The following EPB41 variants were observed in gnomAD, a reference collection of about 807,000 sequenced individuals.
EPB41 encodes protein 4.1.
Under a neutral mutation model 108.0 loss-of-function variants are expected in EPB41, and 65 were observed. The ratio of observed to expected loss-of-function variants is 0.60; its 90% CI spans 0.49 to 0.74. The LOEUF (loss-of-function observed/expected upper bound fraction) is 0.74. Ranked by LOEUF, EPB41 falls within the 30% of genes least tolerant of loss-of-function variation. The pLI, the probability that EPB41 is intolerant of heterozygous loss-of-function variation, is 0.00. For missense variants in EPB41, 875 were observed against 1,037.0 expected, an observed-to-expected ratio of 0.84 and a Z score of 2.15; for synonymous variants, 336 against 358.9, an observed-to-expected ratio of 0.94 and a Z score of 0.72.
intron 9 of EPB41, 79 bp from the exon 10 acceptor site, chr1:29,035,747 C>T: frequency 9.4e-7 from 1 of 1,062,376 alleles, no homozygotes; most frequent in Non-Finnish European, 1.5e-6. Flanking sequence ...CACCATATTT[C>T]TCTGGTACTG....
chr1:28,968,839 C>T (rs2095424227), intron 1 of EPB41, among the ~76,000 whole-genome samples: 1 of 151,784 alleles, frequency 6.6e-6, no homozygotes, highest in African/African-American at 2.4e-5. Context: ...GTGGTGCGCA[C>T]CTGTAATGCC....
intron 1 of EPB41, among the ~76,000 whole-genome samples, chr1:28,968,969 A>ACC (rs1243487289): frequency 4.4e-5 from 5 of 114,308 alleles, no homozygotes; most frequent in Admixed American, 8.7e-5. Flanking sequence ...TGCCTCCAAA[A>ACC]CCCCCCACCC....
At chr1:29,092,204 TCTC>T (rs1661494175) in intron 16 of EPB41, among the ~76,000 whole-genome samples, 1 of 151,690 alleles carries the variant, frequency 6.6e-6, no homozygotes, top group African/African-American at 2.4e-5. Flanking sequence ...TTCAAGCAGT[TCTC>T]CTGCCTCAGC....
At chr1:29,099,682 A>G (rs1199053682) in intron 17 of EPB41, among the ~76,000 whole-genome samples, 1 of 152,208 alleles carries the variant, frequency 6.6e-6, no homozygotes, top group Non-Finnish European at 1.5e-5. Context: ...TTTATGTTGA[A>G]TTGTTTTTCT....
intron 12 of EPB41, 85 bp downstream of exon 12, chr1:29,053,397 T>G: frequency 1.5e-6 from 2 of 1,377,908 alleles, no homozygotes; most frequent in Non-Finnish European, 2.0e-6. Flanking sequence ...TTCAAAGCAA[T>G]TGCTTATTCT....
At chr1:28,948,458 G>T (rs1366823692) in intron 1 of EPB41, among the ~76,000 whole-genome samples, 1 of 143,686 alleles carries the variant, frequency 7.0e-6, no homozygotes, top group African/African-American at 2.6e-5. Flanking sequence ...GCAGTGAGCC[G>T]AGATCGCGCC....
intron 4 of EPB41, among the ~76,000 whole-genome samples, chr1:28,999,937 C>T (rs1005917470): frequency 1.3e-5 from 2 of 152,140 alleles, no homozygotes; most frequent in Non-Finnish European, 2.9e-5. Context: ...GCACGCACCA[C>T]CATGCTTGGC....
At position 28,887,754 on chromosome 1, in the gene EPB41, C is replaced by T. The variant is rs900233203; in HGVS notation, c.-8+544C>T. 9.6e-6 allele frequency: 9 copies of T among 935,510 alleles called. No homozygotes were observed. In the African/African-American group the frequency reaches 1.6e-4, roughly 17 times the overall value. The allele number at this position is 935,510 out of a possible 1,614,324, so 58.0% of individuals were successfully genotyped here. A position where few individuals can be genotyped will look rare whatever the true frequency, so the allele number is the denominator to read the frequency against. On this transcript the variant is annotated intron_variant, in intron 1 of 16. Transcript: ENST00000347529. The surrounding 1 kb of genome is among the most constrained non-coding windows in gnomAD (Gnocchi z 4.9). ...ACCGACCCGCCAGCTGGGGCGCCGG[C>T]TGTGCCCGCCAGGGTGGCCCCCCCG...
At chr1:29,022,388 AAAAG>A (rs1165582961) in intron 7 of EPB41, among the ~76,000 whole-genome samples, 1 of 151,414 alleles carries the variant, frequency 6.6e-6, no homozygotes, top group Non-Finnish European at 1.5e-5. Flanking sequence ...AAAAAAAAAA[AAAAG>A]AAACTGCCAT....
At chr1:28,891,788 C>A (rs978312856) in intron 1 of EPB41, among the ~76,000 whole-genome samples, 1 of 151,938 alleles carries the variant, frequency 6.6e-6, no homozygotes, top group African/African-American at 2.4e-5. Flanking sequence ...TGGAGAGAAG[C>A]CCTAAGAATA....
chr1:29,113,987 C>T (rs573822419), intron 19 of EPB41, among the ~76,000 whole-genome samples: 21 of 152,086 alleles, frequency 1.4e-4, no homozygotes, highest in Non-Finnish European at 2.6e-4. Flanking sequence ...ATGGGTTGGG[C>T]AAACAGGATC....
chr1:28,924,147 C>A (rs1352282976), intron 1 of EPB41, among the ~76,000 whole-genome samples: 1 of 152,192 alleles, frequency 6.6e-6, no homozygotes, highest in Non-Finnish European at 1.5e-5. Flanking sequence ...TGCAGATCTT[C>A]GGTGTGAGTG....
At chr1:28,933,696 G>C (rs778610197) in intron 1 of EPB41, among the ~76,000 whole-genome samples, 1 of 152,096 alleles carries the variant, frequency 6.6e-6, no homozygotes, top group South Asian at 2.1e-4. Context: ...CAAAATGCCA[G>C]TCGGGGTTTG....
intron 4 of EPB41, among the ~76,000 whole-genome samples, chr1:28,999,561 G>A (rs1040394443): frequency 3.3e-5 from 5 of 151,996 alleles, no homozygotes; most frequent in Admixed American, 2.6e-4. Context: ...AAGTACCTAC[G>A]TGTTTAATAT....
chr1:28,990,385 T>TCCACTCCCTCCCTCCTTC (rs2095989387), intron 2 of EPB41, among the ~76,000 whole-genome samples: 1 of 111,862 alleles, frequency 8.9e-6, no homozygotes, highest in African/African-American at 3.6e-5. Context: ...CTCCCTCCTT[T>TCCACTCCCTCCCTCCTTC]CCCCTCCCTC....
intron 5 of EPB41, among the ~76,000 whole-genome samples, chr1:29,014,549 A>G (rs148968045): frequency 1.3e-5 from 2 of 151,804 alleles, no homozygotes; most frequent in East Asian, 1.9e-4. Flanking sequence ...GTAATAATAT[A>G]TGATATATAT....
intron 16 of EPB41, among the ~76,000 whole-genome samples, chr1:29,081,846 A>AC (rs1045122231): frequency 4.6e-5 from 7 of 151,686 alleles, no homozygotes; most frequent in Non-Finnish European, 2.9e-5. Flanking sequence ...AAAAAAAAAA[A>AC]AAAAAACCTA....
intron 16 of EPB41, among the ~76,000 whole-genome samples, chr1:29,088,907 T>A (rs1430953040): frequency 3.9e-5 from 6 of 152,196 alleles, no homozygotes; most frequent in African/African-American, 1.4e-4. Flanking sequence ...CCCAGGGATT[T>A]GAATCCTGCC....
At position 29,011,144 on chromosome 1, in the gene EPB41, AAAAG is replaced by A. The variant is rs202062896; in HGVS notation, c.787-717_787-714del. Among the ~76,000 whole-genome samples, 1,232 of 151,396 alleles carry A rather than the reference AAAAG, an allele frequency of 8.1e-3. 10 individuals carry two copies. Among genetic ancestry groups the A allele is most frequent in the Middle Eastern group, 0.069 (20 of 290 alleles). ...TGTCAAAAAAAAAAAAAAAAGAAAAAAAAGAAAAGAGTTTGAGACCAGCCTAGCC... is the reference window on the plus strand; with the variant it reads ...TGTCAAAAAAAAAAAAAAAAGAAAAAAAAAGAGTTTGAGACCAGCCTAGCC... On this transcript the variant is annotated intron_variant, in intron 4 of 20. Transcript: ENST00000343067.
Sources: allele counts gnomAD v4.1 joint callset (sites outside exome capture counted in the v4.1 genomes callset), GRCh38; gene constraint gnomAD v4.1.1; non-coding constraint Gnocchi (gnomAD v3.1); transcripts MANE v1.5; gene names NCBI Gene and HGNC (gene_info 2026-07-23, HGNC 2026-07-21).